The following DNAJC13 variants were observed in gnomAD, a reference collection of about 807,000 sequenced individuals.
DNAJC13 encodes the protein dnaJ homolog subfamily C member 13.
A neutral mutation model predicts 290.5 loss-of-function variants in DNAJC13; 75 were observed. That is an observed-to-expected ratio of 0.26 (90% CI 0.21 to 0.31). DNAJC13 has a LOEUF of 0.31. Ranked by LOEUF, DNAJC13 falls within the 10% of genes least tolerant of loss-of-function variation. DNAJC13 has a pLI of 1.00. For missense variants in DNAJC13, 2,260 were observed against 2,674.5 expected (o/e 0.85, Z 3.42); for synonymous variants, 862 against 892.0 (o/e 0.97, Z 0.60).
At chr3:132,526,057 C>T in intron 52 of DNAJC13, 84 bp from the exon 53 acceptor site, 1 of 1,502,022 alleles carries the variant, frequency 6.7e-7, no homozygotes, top group African/African-American at 1.4e-5. Flanking sequence ...TCTTTTTTTA[C>T]TTATTTACTT....
Position 132,507,301 on chromosome 3 carries a change from T to C in DNAJC13, c.5063T>C (p.Val1688Ala), listed in dbSNP as rs781076996. Residue 1688 changes from valine to alanine, a missense_variant, in exon 43 of 56, where the codon GTA becomes GCA. This residue lies in a region of DNAJC13 where 1,494 missense variants were observed against 1,693.7 expected (regional missense o/e 0.88). Coordinates refer to ENST00000260818, the MANE Select transcript of DNAJC13 (RefSeq NM_015268.4). ...VYSDHAKELI[V>A]GEIFVRVYNE... ...AGTGATCATGCCAAAGAACTTATTG[T>C]AGGGGAGATTTTTGTTAGGGTGTAT... is the stretch of plus-strand genomic sequence containing the variant. 8 of 1,613,416 alleles carry C rather than the reference T, an allele frequency of 5.0e-6. No individual in the cohort carries two copies. The highest frequency in any genetic ancestry group is 6.8e-6 in the Non-Finnish European group (8 of 1,179,542).
chr3:132,531,147 G>C (rs866480880), intron 55 of DNAJC13, 50 bp downstream of exon 55: 1 of 1,512,812 alleles, frequency 6.6e-7, no homozygotes. Flanking sequence ...GAAGCCACTT[G>C]GACCTTCCTT....
intron 8 of DNAJC13, among the ~76,000 whole-genome samples, 154 bp downstream of exon 8, chr3:132,453,848 G>A (rs569244389): frequency 6.6e-6 from 1 of 152,178 alleles, no homozygotes; most frequent in Admixed American, 6.5e-5. Context: ...ATTGATCATA[G>A]AACAATGATT....
chr3:132,457,500 A>T, intron 13 of DNAJC13, 132 bp downstream of exon 13: 1 of 716,944 alleles, frequency 1.4e-6, no homozygotes, highest in East Asian at 2.7e-5. Flanking sequence ...ATAGTTACTC[A>T]AACCTTTGTT....
Position 132,491,746 on chromosome 3 carries a change from A to C in DNAJC13, c.3624-668A>C, listed in dbSNP as rs376084699. Among the ~76,000 whole-genome samples the C allele has an allele frequency of 9.9e-5, 15 of 152,236 alleles. 1 individual carries two copies. The highest frequency in any genetic ancestry group is 2.6e-4 in the African/African-American group (11 of 41,558). On this transcript the variant is annotated intron_variant, in intron 32 of 55. Coordinates refer to ENST00000260818, the MANE Select transcript of DNAJC13 (RefSeq NM_015268.4). ...TTAGCTAGATAGCATTAGATCTTCT[A>C]TGTCAATTACTGACCCTCGTCAGAC... is the stretch of plus-strand genomic sequence containing the variant.
intron 28 of DNAJC13, among the ~76,000 whole-genome samples, chr3:132,483,872 C>T (rs1372111976): frequency 6.6e-6 from 1 of 152,188 alleles, no homozygotes; most frequent in Non-Finnish European, 1.5e-5. Context: ...TTACATACTG[C>T]AGTCCATAGA....
chr3:132,533,326 C>A lies in DNAJC13; in HGVS notation c.6625+2229C>A, dbSNP rs570914542. On this transcript the variant is annotated intron_variant, in intron 55 of 55. Transcript: ENST00000260818. ...GGATTACAGGCGTGAGCCAGCATGC[C>A]CGCCCTCTTTTTTTTTTTTTTTTTT... 9.1e-5 allele frequency among the ~76,000 whole-genome samples: 13 copies of A among 143,188 alleles called. No individual in the cohort carries two copies. In the South Asian group the frequency reaches 3.0e-3, roughly 33 times the overall value. The allele number at this position is 143,188 out of a possible 152,430, so 93.9% of individuals were successfully genotyped here.
Position 132,507,471 on chromosome 3 carries a change from TGC to T in DNAJC13, c.5115+119_5115+120del, listed in dbSNP as rs139930237. On this transcript the variant is annotated intron_variant, in intron 43 of 55. Transcript: ENST00000260818. ...TTTTATTGCACTTTCTTTACTGTGC[TGC>T]TTTTTTTTTTTTAACAAATCAAAGG... is the stretch of plus-strand genomic sequence containing the variant. 887 of 672,358 alleles carry T rather than the reference TGC, an allele frequency of 1.3e-3. 6 individuals are homozygous for T. The African/African-American group carries it at 0.014, about 10-fold the overall frequency. The allele number at this position is 672,358 out of a possible 1,614,324, so 41.6% of individuals were successfully genotyped here.
chr3:132,459,583 T>C (rs1343221703), intron 13 of DNAJC13, among the ~76,000 whole-genome samples: 1 of 152,174 alleles, frequency 6.6e-6, no homozygotes, highest in Non-Finnish European at 1.5e-5. Context: ...ACTTTTGTTA[T>C]ATGTAGTTTA....
chr3:132,453,224 C>T (rs1431486815), intron 6 of DNAJC13, 74 bp from the exon 7 acceptor site: 10 of 1,380,812 alleles, frequency 7.2e-6, no homozygotes, highest in Non-Finnish European at 1.0e-5. Context: ...TAATACCTTT[C>T]CTATGAGTTG....
intron 1 of DNAJC13, among the ~76,000 whole-genome samples, chr3:132,431,918 A>G (rs557117731): frequency 6.6e-6 from 1 of 152,284 alleles, no homozygotes; most frequent in South Asian, 2.1e-4. Context: ...GGGTGATGCA[A>G]GTGTTCCGAA....
intron 13 of DNAJC13, chr3:132,457,896 G>C (rs1218679443): frequency 6.6e-6 from 1 of 152,570 alleles, no homozygotes; most frequent in Admixed American, 6.5e-5. Context: ...GTTGCAGCTA[G>C]AGATGTATGC....
At chr3:132,527,007 A>G (rs988260694) in intron 53 of DNAJC13, among the ~76,000 whole-genome samples, 1 of 152,246 alleles carries the variant, frequency 6.6e-6, no homozygotes, top group African/African-American at 2.4e-5. Flanking sequence ...GTTAGGAAGA[A>G]TAAGGCTTTT....
chr3:132,481,791 G>A (rs1313240317), intron 26 of DNAJC13, among the ~76,000 whole-genome samples: 1 of 152,136 alleles, frequency 6.6e-6, no homozygotes, highest in African/African-American at 2.4e-5. Context: ...ATACTTATTG[G>A]AACTCTTAGT....
At chr3:132,448,102 C>T (rs1287739091) in intron 5 of DNAJC13, among the ~76,000 whole-genome samples, 163 bp downstream of exon 5, 1 of 151,986 alleles carries the variant, frequency 6.6e-6, no homozygotes, top group East Asian at 1.9e-4. Flanking sequence ...TAACAGGAAA[C>T]TCAAATATGA....
At chr3:132,463,056 A>C (rs560581656) in intron 16 of DNAJC13, among the ~76,000 whole-genome samples, 1 of 152,200 alleles carries the variant, frequency 6.6e-6, no homozygotes, top group Non-Finnish European at 1.5e-5. Flanking sequence ...TGTCTGTTGC[A>C]TACTATGATG....
At chr3:132,503,427 T>G in intron 41 of DNAJC13, 46 bp downstream of exon 41, 1 of 1,604,384 alleles carries the variant, frequency 6.2e-7, no homozygotes, top group Non-Finnish European at 8.5e-7. Flanking sequence ...TAGTGCAAGA[T>G]CCTTTAAGCA....
rs745442235 is a variant in DNAJC13, at chr3:132,502,296, C to A, written c.4544C>A (p.Pro1515His). ...TCATTTTTATTCTCTCAGAGTATTCCCCGCGTAGCTGCTCTTGGGGTAGAA... is the reference window on the plus strand; with the variant it reads ...TCATTTTTATTCTCTCAGAGTATTCACCGCGTAGCTGCTCTTGGGGTAGAA... The part of the protein sequence containing the change: ...CRVLYFGKSI[P>H]RVAALGVECV... The change falls in exon 40 of 56, where the codon CCC (proline) becomes CAC (histidine). Residue 1515 changes from proline (P) to histidine (H), a missense_variant. By Grantham distance (77) the Pro-to-His change is moderately conservative (BLOSUM62 -2). Transcript: ENST00000260818. The A allele has an allele frequency of 1.2e-6, 2 of 1,611,398 alleles. No individual in the cohort carries two copies. Among genetic ancestry groups the A allele is most frequent in the Admixed American group, 3.4e-5 (2 of 59,696 alleles).
chr3:132,503,284 A>T lies in DNAJC13; in HGVS notation c.4787A>T (p.Glu1596Val). 1 of 1,614,140 alleles carries T rather than the reference A, an allele frequency of 6.2e-7. No individual in the cohort carries two copies. Among genetic ancestry groups the T allele is most frequent in the Non-Finnish European group, 8.5e-7 (1 of 1,179,988 alleles). ...CGCCTTGGAGGGTATTTGGCTGAAG[A>T]ACAAGCAACTCCAGAAAATCCAACC... ...LSRLGGYLAE[E>V]QATPENPTIR... Residue 1596 changes from glutamate to valine, a missense_variant, in exon 41 of 56, where the codon GAA (glutamate) becomes GTA (valine). Coordinates refer to ENST00000260818, the MANE Select transcript of DNAJC13 (RefSeq NM_015268.4).
Sources: allele counts gnomAD v4.1 joint callset (sites outside exome capture counted in the v4.1 genomes callset), GRCh38; gene constraint gnomAD v4.1.1; regional missense constraint gnomAD v4.1.1; transcripts MANE v1.5; gene names NCBI Gene and HGNC (gene_info 2026-07-23, HGNC 2026-07-21).